Variants in SPON1 observed in about 807,000 individuals in gnomAD.
SPON1 encodes spondin-1.
In SPON1, 52 loss-of-function variants were observed where a neutral mutation model predicts 111.7. The observed-to-expected ratio is 0.47, with a 90% confidence interval of 0.37 to 0.59. The LOEUF (loss-of-function observed/expected upper bound fraction) is 0.59, where lower values mean the gene tolerates loss of function less well. Among genes scored for constraint, SPON1 ranks in the 20% least tolerant of loss-of-function variants. The pLI is 0.00. For missense variants in SPON1, 957 were observed against 1,068.5 expected (o/e 0.90, Z 1.46); for synonymous variants, 410 against 395.8 (o/e 1.04, Z -0.43).
rs565523064 is a variant in SPON1 at position 14,071,217 on chromosome 11, C to T, written c.480-4128C>T. Among the ~76,000 whole-genome samples the T allele has an allele frequency of 9.2e-5, 14 of 152,214 alleles. No individual in the cohort carries two copies. In the South Asian group the frequency reaches 1.7e-3, roughly 18 times the overall value. On this transcript the variant is annotated intron_variant, in intron 3 of 15. Coordinates refer to ENST00000576479, the MANE Select transcript of SPON1 (RefSeq NM_006108.4). ...TGGGAATAGACTCAAAATGCATTTT[C>T]TCAGAATATAAAATTCTCTCAGGAG...
intron 2 of SPON1, among the ~76,000 whole-genome samples, chr11:14,015,625 G>C (rs1051260449): frequency 1.3e-5 from 2 of 152,218 alleles, no homozygotes. Context: ...GATAATTTCT[G>C]AATTGATATG....
In SPON1 at chr11:14,266,902, C is replaced by CAATT. The variant is rs1849277205; in HGVS notation, c.*1217_*1220dup. ...CCACAGGTTTACACTGCCTTCCCAG[C>CAATT]AATTATAAGCACACCAGATTCAGGG... On this transcript the variant is annotated 3_prime_UTR_variant, in exon 16 of 16. Coordinates refer to ENST00000576479, the MANE Select transcript of SPON1 (RefSeq NM_006108.4). 6.6e-6 allele frequency: 1 copy of CAATT among 152,198 alleles called. No homozygotes were observed. Among genetic ancestry groups the CAATT allele is most frequent in the South Asian group, 2.1e-4 (1 of 4,826 alleles). 9.4% of individuals were successfully genotyped at this position (152,198 alleles called of 1,614,324 possible).
rs1591385268 is a variant in SPON1, at chr11:14,135,708, T to C, written c.825+140T>C. The C allele has an allele frequency of 8.6e-6, 7 of 812,066 alleles. No individual in the cohort carries two copies. The East Asian group carries it at 1.3e-4, about 15-fold the overall frequency. 50.3% of individuals were successfully genotyped at this position (812,066 alleles called of 1,614,324 possible). On this transcript the variant is annotated intron_variant, in intron 6 of 15. Transcript: ENST00000576479. This position sits in a 1 kb window ranked among gnomAD's most constrained non-coding sequence, Gnocchi z 4.4. ...TTTGCTGAGTTTGGGGGTTTTATGTTAAGTAGAGGACAGACAGAGGCACAA... is the reference window on the plus strand; with the variant it reads ...TTTGCTGAGTTTGGGGGTTTTATGTCAAGTAGAGGACAGACAGAGGCACAA...
At chr11:14,188,773 G>A (rs922691238) in intron 6 of SPON1, among the ~76,000 whole-genome samples, 1 of 152,190 alleles carries the variant, frequency 6.6e-6, no homozygotes, top group East Asian at 1.9e-4. Flanking sequence ...CTCTGAGCCT[G>A]TCTTCTCATC....
At chr11:14,076,387 A>C (rs1848918199) in intron 4 of SPON1, among the ~76,000 whole-genome samples, 1 of 152,220 alleles carries the variant, frequency 6.6e-6, no homozygotes, top group Admixed American at 6.5e-5. Flanking sequence ...AAGGTTGATA[A>C]AGGTCTTCGG....
At chr11:14,160,822 A>AT (rs1234172442) in intron 6 of SPON1, among the ~76,000 whole-genome samples, 2 of 23,626 alleles carry the variant, frequency 8.5e-5, no homozygotes, top group African/African-American at 1.5e-4. Context: ...TTTTATATAT[A>AT]TTTTATATAT....
intron 6 of SPON1, among the ~76,000 whole-genome samples, chr11:14,138,490 G>A (rs1312449939): frequency 6.6e-6 from 1 of 152,054 alleles, no homozygotes. Flanking sequence ...CTGGGGCTGG[G>A]GAAGGCCACA....
At position 14,108,307 on chromosome 11, in the gene SPON1, GCTTATTTCTA is replaced by G. The variant is rs879956735; in HGVS notation, c.677-27112_677-27103del. 4.0e-3 allele frequency among the ~76,000 whole-genome samples: 604 copies of G among 152,280 alleles called. 2 individuals are homozygous for G. The highest frequency in any genetic ancestry group is 7.2e-3 in the Non-Finnish European group (491 of 68,022). Reference sequence around the variant, plus strand: ...ACTGTGTTAGCTATGGCTATAATGTGCTTATTTCTAGCCTTGTCCTGCTACCCACCCAAAT... The same window carrying G: ...ACTGTGTTAGCTATGGCTATAATGTGGCCTTGTCCTGCTACCCACCCAAAT... On this transcript the variant is annotated intron_variant, in intron 5 of 15. Transcript: ENST00000576479.
chr11:14,165,133 T>C (rs1171933496), intron 6 of SPON1, among the ~76,000 whole-genome samples: 2 of 152,196 alleles, frequency 1.3e-5, no homozygotes, highest in African/African-American at 4.8e-5. Context: ...ACCATCTTCC[T>C]TTAAACTATA....
At chr11:14,176,901 G>A (rs1415069111) in intron 6 of SPON1, among the ~76,000 whole-genome samples, 3 of 152,186 alleles carry the variant, frequency 2.0e-5, no homozygotes, top group Non-Finnish European at 4.4e-5. Flanking sequence ...CCGCTGCCTA[G>A]ACAGAGCCGA....
intron 6 of SPON1, among the ~76,000 whole-genome samples, chr11:14,242,313 T>C (rs1389157856): frequency 1.3e-5 from 2 of 152,226 alleles, no homozygotes; most frequent in Non-Finnish European, 2.9e-5. Context: ...CTTGTCGCTA[T>C]GAGCCAGCCA....
At chr11:14,200,503 G>T (rs1329878025) in intron 6 of SPON1, among the ~76,000 whole-genome samples, 2 of 152,078 alleles carry the variant, frequency 1.3e-5, no homozygotes, top group East Asian at 1.9e-4. Context: ...TTTATTAAAA[G>T]ATCTTTTGGC....
rs1848050912 is a variant in SPON1 at position 13,970,078 on chromosome 11, T to C, written c.238+6936T>C. ...TCCAATAGTGTGCAGTTGTGTTTGA[T>C]TTTTACCAAATGCACCTCTCTTGGA... On this transcript the variant is annotated intron_variant, in intron 1 of 15. Coordinates refer to ENST00000576479, the MANE Select transcript of SPON1 (RefSeq NM_006108.4). Among the ~76,000 whole-genome samples, 3 of 152,226 alleles carry C rather than the reference T, an allele frequency of 2.0e-5. No homozygotes were observed. The South Asian group carries it at 6.2e-4, about 32-fold the overall frequency.
chr11:13,968,478 T>C (rs531048337), intron 1 of SPON1, among the ~76,000 whole-genome samples: 2 of 152,224 alleles, frequency 1.3e-5, no homozygotes, highest in Admixed American at 1.3e-4. Context: ...GAAAATTTAG[T>C]ATACAAAGAG....
Position 14,214,218 on chromosome 11 carries a change from G to T in SPON1, c.826-29114G>T, listed in dbSNP as rs539118814. ...AGAACTCTCGGCTCTGGTCCTCTGC[G>T]CGTAGGGCCCCCATCCCTAGCCGGA... On this transcript the variant is annotated intron_variant, in intron 6 of 15. Transcript: ENST00000576479. 5.3e-5 allele frequency among the ~76,000 whole-genome samples: 8 copies of T among 152,240 alleles called. No homozygotes were observed. In the South Asian group the frequency reaches 1.5e-3, roughly 28 times the overall value.
chr11:14,011,678 G>C (rs1359145905), intron 2 of SPON1, among the ~76,000 whole-genome samples: 3 of 152,146 alleles, frequency 2.0e-5, no homozygotes, highest in Non-Finnish European at 2.9e-5. Flanking sequence ...TTTCCCCACT[G>C]TAGGCACGTA....
chr11:14,102,716 A>G (rs935178318), intron 5 of SPON1, among the ~76,000 whole-genome samples: 3 of 152,212 alleles, frequency 2.0e-5, no homozygotes, highest in African/African-American at 4.8e-5. Flanking sequence ...GGCAGTTACT[A>G]TGTAGACTCT....
intron 5 of SPON1, among the ~76,000 whole-genome samples, chr11:14,120,901 A>T (rs1254669024): frequency 6.6e-6 from 1 of 152,180 alleles, no homozygotes; most frequent in Non-Finnish European, 1.5e-5. Flanking sequence ...GAATTTACAT[A>T]GTTTGTTCAA....
chr11:14,113,764 G>A lies in SPON1; in HGVS notation c.677-21656G>A, dbSNP rs893047978. 4.6e-5 allele frequency among the ~76,000 whole-genome samples: 7 copies of A among 151,394 alleles called. No individual in the cohort carries two copies. In the South Asian group the frequency reaches 1.5e-3, roughly 32 times the overall value. ...ACTACAGGCGCCCGCCACCACGCCC[G>A]GCTAATTTTTTTGTGTTTTTTAGTA... On this transcript the variant is annotated intron_variant, in intron 5 of 15. Coordinates refer to ENST00000576479, the MANE Select transcript of SPON1 (RefSeq NM_006108.4).
Sources: gnomAD v4.1 joint callset for allele counts (sites outside exome capture counted in the v4.1 genomes callset) on GRCh38, gnomAD v4.1.1 for gene constraint, Gnocchi (gnomAD v3.1) non-coding constraint, MANE v1.5 for transcripts, NCBI Gene and HGNC (gene_info 2026-07-23, HGNC 2026-07-21) for gene names.